IL17RC: variants seen among roughly 807,000 people sequenced by gnomAD.
The protein encoded by IL17RC is interleukin 17 receptor C, also known as interleukin-17 receptor C.
IL17RC carries 53 observed loss-of-function variants against 86.7 expected under a neutral mutation model. That is an observed-to-expected ratio of 0.61 (90% CI 0.49 to 0.77). The LOEUF is 0.77. IL17RC is among the 30% of genes least tolerant of loss of function. IL17RC has a pLI of 0.00. For synonymous variants in IL17RC, 439 were observed against 413.1 expected, an observed-to-expected ratio of 1.06 and a Z score of -0.76; for missense variants, 957 against 940.0, an observed-to-expected ratio of 1.02 and a Z score of -0.24.
Position 9,930,496 on chromosome 3 carries a change from A to T in IL17RC, c.1338+37A>T. ...GAAGAAGGGCCCCACCTCAATGCCT[A>T]GGGGCAACAGGCCTAAAACTAGCAC... On this transcript the variant is annotated intron_variant, in intron 15 of 18. Transcript: ENST00000403601. This position sits in a 1 kb window ranked among gnomAD's most constrained non-coding sequence, Gnocchi z 5.8. The T allele has an allele frequency of 6.3e-7, 1 of 1,594,208 alleles. No individual in the cohort carries two copies. Among genetic ancestry groups the T allele is most frequent in the African/African-American group, 1.3e-5 (1 of 74,668 alleles).
intron 9 of IL17RC, among the ~76,000 whole-genome samples, chr3:9,924,655 G>A (rs2083896614): frequency 6.6e-6 from 1 of 152,206 alleles, no homozygotes; most frequent in Non-Finnish European, 1.5e-5. Context: ...TTTGCTAGCT[G>A]TGTAACCTTG....
In IL17RC at chr3:9,918,499, G is replaced by A. The variant is rs1252087338; in HGVS notation, c.356-1G>A. 5.0e-6 allele frequency: 8 copies of A among 1,613,756 alleles called. No individual in the cohort carries two copies. The highest frequency in any genetic ancestry group is 1.3e-5 in the African/African-American group (1 of 74,934). On this transcript the variant is annotated splice_acceptor_variant, in intron 4 of 18. Transcript: ENST00000403601. LOFTEE classifies it high-confidence loss of function. ...ACTGACCCCTGCCCTGTTGCCCACA[G>A]CCTCTCTCCAGGCCCAAGTCGTGCT...
chr3:9,931,470 C>CACACATATATATAT (rs750351615), intron 16 of IL17RC, among the ~76,000 whole-genome samples: 307 of 43,254 alleles, frequency 7.1e-3, no homozygotes, highest in Non-Finnish European at 0.012. Context: ...CACACACACA[C>CACACATATATATAT]ATATATATAT....
chr3:9,931,470 C>CACACACACACATATATATATATATAT (rs750351615), intron 16 of IL17RC, among the ~76,000 whole-genome samples: 1 of 43,748 alleles, frequency 2.3e-5, no homozygotes, highest in Non-Finnish European at 6.4e-5. Context: ...CACACACACA[C>CACACACACACATATATATATATATAT]ATATATATAT....
chr3:9,918,638 A>G, intron 5 of IL17RC, 29 bp downstream of exon 5: 1 of 1,477,070 alleles, frequency 6.8e-7, no homozygotes. Context: ...ATCACCTTCT[A>G]AACCTAAAAT....
chr3:9,927,246 G>C (rs1353108775), intron 9 of IL17RC, among the ~76,000 whole-genome samples: 3 of 152,140 alleles, frequency 2.0e-5, no homozygotes, highest in East Asian at 3.9e-4. Context: ...GCTTACACAA[G>C]TGATTGTGGA....
intron 9 of IL17RC, among the ~76,000 whole-genome samples, chr3:9,926,689 C>T (rs1424542415): frequency 6.6e-6 from 1 of 151,510 alleles, no homozygotes; most frequent in Non-Finnish European, 1.5e-5. Flanking sequence ...GTGGCGTGAT[C>T]TCGGCTCACT....
At chr3:9,923,707 G>A (rs1040423971) in intron 7 of IL17RC, among the ~76,000 whole-genome samples, 174 bp from the exon 8 acceptor site, 5 of 152,088 alleles carry the variant, frequency 3.3e-5, no homozygotes, top group African/African-American at 1.2e-4. Flanking sequence ...GGGTCTCCAC[G>A]GGCTTGGCTT....
rs764086794 is a variant in IL17RC at position 9,933,238 on chromosome 3, A to G, written c.1808A>G (p.His603Arg). The G allele has an allele frequency of 6.2e-7, 1 of 1,604,948 alleles. No homozygotes were observed. The highest frequency in any genetic ancestry group is 1.3e-5 in the African/African-American group (1 of 74,516). ...GATGGGGTGTCCGGGCCCGGGGCGC[A>G]CGGCCCGCACGACGCCTTCCGCGCC... ...LQDGVSGPGA[H>R]GPHDAFRASL... Residue 603 changes from histidine (H) to arginine (R), a missense_variant, in exon 19 of 19, where the codon CAC becomes CGC. Physicochemically the swap from His to Arg is conservative, Grantham distance 29. Coordinates refer to ENST00000403601, the MANE Select transcript of IL17RC (RefSeq NM_153460.4).
At chr3:9,923,446 G>C (rs1395399900) in intron 7 of IL17RC, among the ~76,000 whole-genome samples, 1 of 151,562 alleles carries the variant, frequency 6.6e-6, no homozygotes, top group Non-Finnish European at 1.5e-5. Flanking sequence ...CCAGCTACTC[G>C]GGTGGCTGAG....
rs2084997441 is a variant in IL17RC at position 9,933,467 on chromosome 3, G to C, written c.2037G>C (p.Glu679Asp). The part of the protein sequence containing the change: ...PRAPRSGRLQ[E>D]RAEQVSRALQ... ...CCCCGCGTTCCGGGCGGCTCCAAGA[G>C]AGAGCGGAGCAAGTGTCCCGGGCCC... Residue 679 changes from glutamate (E) to aspartate (D), a missense_variant, in exon 19 of 19, where the codon GAG becomes GAC. By Grantham distance (45) the Glu-to-Asp change is conservative. Transcript: ENST00000403601. 16 of 1,612,878 alleles carry C rather than the reference G, an allele frequency of 9.9e-6. No individual in the cohort carries two copies. Among genetic ancestry groups the C allele is most frequent in the Non-Finnish European group, 1.4e-5 (16 of 1,179,762 alleles).
chr3:9,932,259 C>G (rs979240109), intron 16 of IL17RC, among the ~76,000 whole-genome samples: 5 of 152,200 alleles, frequency 3.3e-5, no homozygotes, highest in Admixed American at 1.3e-4. Context: ...AGGAGTCTCA[C>G]CCTGTCGCCC....
rs139727834 is a variant in IL17RC, at chr3:9,920,938, C to T, written c.591C>T (p.Leu197=). The change falls in exon 7 of 19, where the codon CTC becomes CTT. Residue 197 remains leucine (L), a synonymous_variant. Coordinates refer to ENST00000403601, the MANE Select transcript of IL17RC (RefSeq NM_153460.4). ...HTQQLPDCRG[L]EVWNSIPSCW... is the part of the protein sequence containing the mutation. ...ATCTCTCCTCAGACTGCAGGGGGCTCGAAGTCTGGAACAGCATCCCGAGCT... is the reference window on the plus strand; with the variant it reads ...ATCTCTCCTCAGACTGCAGGGGGCTTGAAGTCTGGAACAGCATCCCGAGCT... 6,015 of 1,605,254 alleles carry T rather than the reference C, an allele frequency of 3.7e-3. 165 individuals are homozygous for T. In the South Asian group the frequency reaches 0.046, roughly 12 times the overall value.
At chr3:9,928,053 A>C (rs2084260060) in intron 9 of IL17RC, 113 bp from the exon 10 acceptor site, 1 of 977,594 alleles carries the variant, frequency 1.0e-6, no homozygotes, top group Non-Finnish European at 1.6e-6. Flanking sequence ...AGGCAGGAAG[A>C]CCCAGCAAGT....
chr3:9,931,470 C>CATATATATATATAT lies in IL17RC; in HGVS notation c.1387+547_1387+560dup, dbSNP rs1553593529. On this transcript the variant is annotated intron_variant, in intron 16 of 18. Coordinates refer to ENST00000403601, the MANE Select transcript of IL17RC (RefSeq NM_153460.4). ...TATATATTTCACACACACACACACA[C>CATATATATATATAT]ATATATATATATATATATATATATA... is the stretch of plus-strand genomic sequence containing the variant. Among the ~76,000 whole-genome samples, 290 of 43,324 alleles carry CATATATATATATAT rather than the reference C, an allele frequency of 6.7e-3. 1 individual carries two copies. Among genetic ancestry groups the CATATATATATATAT allele is most frequent in the Non-Finnish European group, 0.014 (210 of 15,424 alleles). The allele number at this position is 43,324 out of a possible 152,430, so 28.4% of individuals were successfully genotyped here.
chr3:9,923,430 G>A (rs1275584964), intron 7 of IL17RC, among the ~76,000 whole-genome samples: 4 of 151,716 alleles, frequency 2.6e-5, no homozygotes, highest in Non-Finnish European at 5.9e-5. Context: ...ACACACGCCT[G>A]TAATCCCAGC....
In IL17RC at chr3:9,917,924, C is replaced by T; in HGVS notation, c.129C>T (p.Asp43=). The change falls in exon 3 of 19, where the codon GAC becomes GAT. Residue 43 remains aspartate (D), a splice_region_variant and synonymous_variant. Transcript: ENST00000403601. ...CSPGLSCRLW[D]SDILCLPGDI... is the part of the protein sequence containing the mutation. ...TCCCACCCGCTCCTCCACACACAGACAGTGACATACTCTGCCTGCCTGGGG... is the reference window on the plus strand; with the variant it reads ...TCCCACCCGCTCCTCCACACACAGATAGTGACATACTCTGCCTGCCTGGGG... The T allele has an allele frequency of 1.2e-6, 2 of 1,613,316 alleles. No homozygotes were observed. Among genetic ancestry groups the T allele is most frequent in the East Asian group, 4.5e-5 (2 of 44,872 alleles).
At chr3:9,923,436 C>T (rs1325331925) in intron 7 of IL17RC, among the ~76,000 whole-genome samples, 1 of 151,628 alleles carries the variant, frequency 6.6e-6, no homozygotes, top group Non-Finnish European at 1.5e-5. Context: ...GCCTGTAATC[C>T]CAGCTACTCG....
In IL17RC at chr3:9,930,084, G is replaced by A. The variant is rs987352622; in HGVS notation, c.1213G>A (p.Asp405Asn). 1 of 1,614,122 alleles carries A rather than the reference G, an allele frequency of 6.2e-7. No homozygotes were observed. Among genetic ancestry groups the A allele is most frequent in the Non-Finnish European group, 8.5e-7 (1 of 1,180,024 alleles). ...ACTGTTGGAGACACGAGGCCCCCAG[G>A]ACAACAGATCCCTCTGTGCCTTGGA... ...VLLLETRGPQ[D>N]NRSLCALEPS... Residue 405 changes from aspartate (D) to asparagine (N), a missense_variant, in exon 14 of 19, where the codon GAC becomes AAC. Coordinates refer to ENST00000403601, the MANE Select transcript of IL17RC (RefSeq NM_153460.4). This position sits in a 1 kb window ranked among gnomAD's most constrained non-coding sequence, Gnocchi z 5.8.
Sources: gnomAD v4.1 joint callset for allele counts (sites outside exome capture counted in the v4.1 genomes callset) on GRCh38, gnomAD v4.1.1 for gene constraint, Gnocchi (gnomAD v3.1) non-coding constraint, MANE v1.5 for transcripts, NCBI Gene and HGNC (gene_info 2026-07-23, HGNC 2026-07-21) for gene names.